Variants in CCSER1 observed in about 807,000 individuals in gnomAD.
The protein encoded by CCSER1 is serine-rich coiled-coil domain-containing protein 1.
In CCSER1, 41 loss-of-function variants were observed where a neutral mutation model predicts 82.0. The ratio of observed to expected loss-of-function variants is 0.50; its 90% CI spans 0.39 to 0.65. The LOEUF is 0.65. Ranked by LOEUF, CCSER1 falls within the 30% of genes least tolerant of loss-of-function variation. The pLI is 0.00. For missense variants in CCSER1, 1,119 were observed against 1,064.2 expected (o/e 1.05, Z -0.72); for synonymous variants, 414 against 383.9 (o/e 1.08, Z -0.92).
chr4:90,720,605 A>G (rs941039686), intron 6 of CCSER1, among the ~76,000 whole-genome samples: 4 of 152,082 alleles, frequency 2.6e-5, no homozygotes, highest in Non-Finnish European at 4.4e-5. Context: ...GGATCCAAAG[A>G]GGGTAACCTA....
intron 5 of CCSER1, among the ~76,000 whole-genome samples, chr4:90,597,812 TGCCATGGTA>T (rs1783524041): frequency 6.6e-6 from 1 of 152,060 alleles, no homozygotes; most frequent in African/African-American, 2.4e-5. Context: ...CTGCCCCACC[TGCCATGGTA>T]GCCACTTTTT....
rs564310321 is a variant in CCSER1, at chr4:91,429,336, T to C, written c.2218-169236T>C. ...CAAATGCATCTTGCAGAATAATATA[T>C]GATGGAACAATAATCTTTTTTAAAG... On this transcript the variant is annotated intron_variant, in intron 10 of 10. Transcript: ENST00000509176. Among the ~76,000 whole-genome samples, 344 of 152,082 alleles carry C rather than the reference T, an allele frequency of 2.3e-3. 3 individuals are homozygous for C. Among genetic ancestry groups the C allele is most frequent in the Non-Finnish European group, 4.1e-3 (281 of 67,830 alleles).
intron 10 of CCSER1, among the ~76,000 whole-genome samples, chr4:91,595,229 G>A (rs912441260): frequency 6.6e-6 from 1 of 152,122 alleles, no homozygotes; most frequent in African/African-American, 2.4e-5. Flanking sequence ...TCGAGATAGT[G>A]TAATTGCACA....
chr4:90,897,023 A>C (rs1723810427), intron 8 of CCSER1, among the ~76,000 whole-genome samples: 2 of 151,978 alleles, frequency 1.3e-5, no homozygotes. Context: ...TGAATCTTAC[A>C]AATTTTTCCT....
At chr4:90,759,064 A>G (rs527297665) in intron 7 of CCSER1, among the ~76,000 whole-genome samples, 3 of 152,150 alleles carry the variant, frequency 2.0e-5, no homozygotes, top group Non-Finnish European at 4.4e-5. Context: ...CTTCTAAGCC[A>G]TCCATATGAC....
chr4:90,529,375 G>C (rs889788504), intron 5 of CCSER1, among the ~76,000 whole-genome samples: 1 of 151,884 alleles, frequency 6.6e-6, no homozygotes, highest in Admixed American at 6.6e-5. Flanking sequence ...GACTACAGAC[G>C]CATTTCACTA....
At chr4:90,662,112 C>T (rs535068884) in intron 6 of CCSER1, among the ~76,000 whole-genome samples, 6 of 151,906 alleles carry the variant, frequency 3.9e-5, no homozygotes, top group Admixed American at 6.6e-5. Context: ...GATTCTCCTG[C>T]CTCAGCCTCC....
intron 5 of CCSER1, among the ~76,000 whole-genome samples, chr4:90,567,609 A>ATT (rs34322120): frequency 4.7e-4 from 58 of 123,672 alleles, no homozygotes; most frequent in Middle Eastern, 4.9e-3. Flanking sequence ...TTTTTTAATG[A>ATT]TTTTTTTTTT....
chr4:91,445,914 C>T (rs1302105437), intron 10 of CCSER1, among the ~76,000 whole-genome samples: 3 of 151,938 alleles, frequency 2.0e-5, no homozygotes, highest in African/African-American at 7.3e-5. Context: ...TGCCACCCTG[C>T]ATTTCCATAA....
At chr4:90,671,470 T>C (rs1732795196) in intron 6 of CCSER1, among the ~76,000 whole-genome samples, 1 of 152,056 alleles carries the variant, frequency 6.6e-6, no homozygotes, top group African/African-American at 2.4e-5. Flanking sequence ...TCTGCTCATC[T>C]GTAAGAAGCA....
At chr4:91,196,568 G>C (rs1041573405) in intron 10 of CCSER1, among the ~76,000 whole-genome samples, 3 of 152,170 alleles carry the variant, frequency 2.0e-5, no homozygotes, top group African/African-American at 4.8e-5. Context: ...CCCATACTCT[G>C]TTAATCCATG....
At chr4:91,467,022 A>G (rs1436155806) in intron 10 of CCSER1, among the ~76,000 whole-genome samples, 2 of 152,220 alleles carry the variant, frequency 1.3e-5, no homozygotes, top group African/African-American at 4.8e-5. Context: ...GTTCATATGG[A>G]ACCAAAGAAG....
intron 9 of CCSER1, among the ~76,000 whole-genome samples, chr4:90,925,807 A>T: frequency 6.6e-6 from 1 of 152,146 alleles, no homozygotes; most frequent in Non-Finnish European, 1.5e-5. Flanking sequence ...GTATTGAATT[A>T]AGGTTAAAGA....
At chr4:90,519,530 A>G (rs1772793973) in intron 5 of CCSER1, among the ~76,000 whole-genome samples, 2 of 151,984 alleles carry the variant, frequency 1.3e-5, no homozygotes, top group Admixed American at 1.3e-4. Context: ...TTGTCAGTTT[A>G]TTAATTAAAT....
At chr4:90,499,110 GTA>G (rs746910236) in intron 5 of CCSER1, among the ~76,000 whole-genome samples, 25 of 150,998 alleles carry the variant, frequency 1.7e-4, no homozygotes, top group East Asian at 7.8e-4. Flanking sequence ...ATATGTATGT[GTA>G]TATGTGTGTG....
chr4:90,246,791 TGTG>T (rs1171507430), intron 1 of CCSER1, among the ~76,000 whole-genome samples: 2 of 152,180 alleles, frequency 1.3e-5, no homozygotes, highest in Non-Finnish European at 2.9e-5. Context: ...TAAGAAGTTA[TGTG>T]AATGTGGTCT....
At position 90,927,858 on chromosome 4, in the gene CCSER1, TTAGA is replaced by T. The variant is rs1471458989; in HGVS notation, c.2172+4416_2172+4419del. On this transcript the variant is annotated intron_variant, in intron 9 of 10. Coordinates refer to ENST00000509176, the MANE Select transcript of CCSER1 (RefSeq NM_001145065.2). ...ATTAGTTTTTACTGTAATTGTTTTA[TTAGA>T]TAGAGCAGAAGTGTTTTTTGTGCTT... 2.0e-5 allele frequency among the ~76,000 whole-genome samples: 3 copies of T among 152,172 alleles called. No individual in the cohort carries two copies. The East Asian group carries it at 5.8e-4, about 29-fold the overall frequency.
At chr4:91,435,689 C>G in intron 10 of CCSER1, among the ~76,000 whole-genome samples, 1 of 152,098 alleles carries the variant, frequency 6.6e-6, no homozygotes, top group Non-Finnish European at 1.5e-5. Context: ...TTTATGCTAA[C>G]AATTTTAATT....
chr4:91,101,519 C>T (rs1031498812), intron 10 of CCSER1, among the ~76,000 whole-genome samples: 2 of 152,028 alleles, frequency 1.3e-5, no homozygotes, highest in East Asian at 3.9e-4. Context: ...CCTGTAATCA[C>T]AGCTACTTGG....
Sources: allele counts gnomAD v4.1 joint callset (sites outside exome capture counted in the v4.1 genomes callset), GRCh38; gene constraint gnomAD v4.1.1; transcripts MANE v1.5; gene names NCBI Gene and HGNC (gene_info 2026-07-23, HGNC 2026-07-21).